SFMBT1: variants seen among roughly 807,000 people sequenced by gnomAD.
SFMBT1 encodes the protein Scm like with four mbt domains 1, also known as scm-like with four MBT domains protein 1.
SFMBT1 carries 32 observed loss-of-function variants against 108.7 expected under a neutral mutation model. That is an observed-to-expected ratio of 0.29 (90% CI 0.22 to 0.40). The LOEUF (loss-of-function observed/expected upper bound fraction) is 0.40. Ranked by LOEUF, SFMBT1 falls within the 10% of genes least tolerant of loss-of-function variation. SFMBT1 has a pLI of 1.00. For missense variants in SFMBT1, 816 were observed against 1,059.6 expected, an observed-to-expected ratio of 0.77 and a Z score of 3.19; for synonymous variants, 348 against 369.5, an observed-to-expected ratio of 0.94 and a Z score of 0.67.
intron 4 of SFMBT1, among the ~76,000 whole-genome samples, chr3:52,938,586 T>C (rs1337907225): frequency 6.6e-6 from 1 of 152,010 alleles, no homozygotes; most frequent in African/African-American, 2.4e-5. Flanking sequence ...TCAGGTACTA[T>C]CCTTTTACTC....
intron 3 of SFMBT1, among the ~76,000 whole-genome samples, chr3:52,952,087 G>C (rs1225438890): frequency 6.6e-6 from 1 of 152,230 alleles, no homozygotes; most frequent in African/African-American, 2.4e-5. Flanking sequence ...CGCTGTGCAT[G>C]GTGGCTCACG....
chr3:52,952,324 T>G (rs1048159520), intron 3 of SFMBT1, among the ~76,000 whole-genome samples: 2 of 152,202 alleles, frequency 1.3e-5, no homozygotes, highest in Admixed American at 1.3e-4. Context: ...TGGTTTATAT[T>G]CACAGACAAC....
At chr3:53,036,280 C>G (rs1174859002) in intron 1 of SFMBT1, among the ~76,000 whole-genome samples, 1 of 152,204 alleles carries the variant, frequency 6.6e-6, no homozygotes, top group Non-Finnish European at 1.5e-5. Context: ...TGGCCCTTCA[C>G]CCCTACTCCA....
chr3:52,925,114 G>C (rs769229209), intron 10 of SFMBT1, among the ~76,000 whole-genome samples: 2 of 151,714 alleles, frequency 1.3e-5, no homozygotes, highest in Admixed American at 1.3e-4. Context: ...CCAGCTACTT[G>C]GGAGGCCGAG....
intron 1 of SFMBT1, among the ~76,000 whole-genome samples, chr3:52,995,889 T>C (rs1034876422): frequency 2.0e-5 from 3 of 149,004 alleles, no homozygotes; most frequent in Non-Finnish European, 3.0e-5. Flanking sequence ...CTGGCCAACA[T>C]GGTGAAACCC....
rs780948283 is a variant in SFMBT1 at position 52,916,166 on chromosome 3, C to T, written c.1464G>A (p.Leu488=). 1 of 1,614,040 alleles carries T rather than the reference C, an allele frequency of 6.2e-7. No homozygotes were observed. The highest frequency in any genetic ancestry group is 1.7e-5 in the Admixed American group (1 of 60,006). ...TGCTTATACCTGACTCTGTGGAGTT[C>T]AGCTCCTGATTCCTCAGGCCCTCGT... ...TVHEGLRNQE[L]NSTESVMING... Residue 488 remains leucine (L), a synonymous_variant, in exon 14 of 21, where the codon CTG becomes CTA. Coordinates refer to ENST00000394752, the MANE Select transcript of SFMBT1 (RefSeq NM_016329.4).
chr3:52,990,997 C>G (rs1470699571), intron 1 of SFMBT1, among the ~76,000 whole-genome samples: 1 of 152,190 alleles, frequency 6.6e-6, no homozygotes, highest in Non-Finnish European at 1.5e-5. Flanking sequence ...CTACTTTACA[C>G]CCACATTACT....
chr3:52,934,922 C>G (rs1461701140), intron 4 of SFMBT1, 21 bp from the exon 5 acceptor site: 1 of 1,597,812 alleles, frequency 6.3e-7, no homozygotes, highest in Non-Finnish European at 8.6e-7. Flanking sequence ...GAATAAATGA[C>G]TGATTACTCA....
At chr3:52,909,599 T>C (rs1386685245) in intron 17 of SFMBT1, among the ~76,000 whole-genome samples, 1 of 152,200 alleles carries the variant, frequency 6.6e-6, no homozygotes, top group Non-Finnish European at 1.5e-5. Flanking sequence ...AGAAGCTCCA[T>C]TTTAACAAGA....
chr3:52,991,221 T>C (rs1161092618), intron 1 of SFMBT1, among the ~76,000 whole-genome samples: 1 of 152,174 alleles, frequency 6.6e-6, no homozygotes, highest in Non-Finnish European at 1.5e-5. Flanking sequence ...ACCATTCCCA[T>C]GTGCCAACAT....
intron 13 of SFMBT1, among the ~76,000 whole-genome samples, chr3:52,917,482 T>C (rs1157497447): frequency 3.3e-5 from 5 of 152,052 alleles, no homozygotes; most frequent in Non-Finnish European, 7.4e-5. Flanking sequence ...ATGCCCTCAC[T>C]AGGAAGCAAT....
chr3:52,928,106 CA>C (rs1031606181), intron 9 of SFMBT1, 84 bp downstream of exon 9: 2 of 1,530,172 alleles, frequency 1.3e-6, no homozygotes, highest in African/African-American at 2.8e-5. Context: ...AGGAGAGGGA[CA>C]AAAGATTTCA....
intron 9 of SFMBT1, among the ~76,000 whole-genome samples, chr3:52,927,913 G>A (rs948501979): frequency 2.0e-5 from 3 of 152,150 alleles, no homozygotes; most frequent in African/African-American, 7.2e-5. Flanking sequence ...ACGAACCCAG[G>A]TTGGAACCTG....
At chr3:52,928,442 G>T in intron 8 of SFMBT1, 101 bp from the exon 9 acceptor site, 1 of 1,225,600 alleles carries the variant, frequency 8.2e-7, no homozygotes, top group Non-Finnish European at 1.1e-6. Flanking sequence ...TACTCATGTG[G>T]GTATTAATAA....
At position 52,924,424 on chromosome 3, in the gene SFMBT1, C is replaced by T. The variant is rs547753221; in HGVS notation, c.1131+1607G>A. ...CGGGAGGCTGAGGCGGGAAGATCAT[C>T]TGAGGTCAGGAGTTTGAGACCAGCC... On this transcript the variant is annotated intron_variant, in intron 10 of 20. Transcript: ENST00000394752. Among the ~76,000 whole-genome samples, 577 of 151,978 alleles carry T rather than the reference C, an allele frequency of 3.8e-3. 7 individuals are homozygous for T. The highest frequency in any genetic ancestry group is 0.022 in the South Asian group (106 of 4,810).
At chr3:53,036,059 T>C (rs910156583) in intron 1 of SFMBT1, among the ~76,000 whole-genome samples, 4 of 152,176 alleles carry the variant, frequency 2.6e-5, no homozygotes, top group African/African-American at 9.7e-5. Context: ...CAATCAAAAT[T>C]TAAATTTCCA....
At chr3:52,952,368 G>A (rs1440836049) in intron 3 of SFMBT1, among the ~76,000 whole-genome samples, 1 of 152,104 alleles carries the variant, frequency 6.6e-6, no homozygotes. Context: ...ACAAATCCTA[G>A]AACAAAAGAA....
At chr3:52,986,047 G>A (rs6777554) in intron 1 of SFMBT1, among the ~76,000 whole-genome samples, 34,884 of 151,480 alleles carry the variant, frequency 0.23, 6,030 homozygotes, top group African/African-American at 0.46. Flanking sequence ...GGAGGCTGAG[G>A]CAGGAGAATT....
At chr3:52,974,963 C>T (rs566275983) in intron 1 of SFMBT1, among the ~76,000 whole-genome samples, 1 of 151,612 alleles carries the variant, frequency 6.6e-6, no homozygotes, top group Non-Finnish European at 1.5e-5. Flanking sequence ...CAAGTTTGCG[C>T]CACTGCACTC....
Sources: allele counts gnomAD v4.1 joint callset (sites outside exome capture counted in the v4.1 genomes callset), GRCh38; gene constraint gnomAD v4.1.1; transcripts MANE v1.5; gene names NCBI Gene and HGNC (gene_info 2026-07-23, HGNC 2026-07-21).